The following EGFLAM variants were observed in gnomAD, a reference collection of about 807,000 sequenced individuals.
The protein encoded by EGFLAM is pikachurin.
In EGFLAM, 79 loss-of-function variants were observed where a neutral mutation model predicts 113.1. The observed-to-expected ratio is 0.70, with a 90% CI of 0.58 to 0.84. The LOEUF (loss-of-function observed/expected upper bound fraction) is 0.84. Among genes scored for constraint, EGFLAM ranks in the 40% least tolerant of loss-of-function variants. The probability of loss-of-function intolerance (pLI) is 0.00; values close to 1 mark genes in which losing one functional copy is unlikely to be tolerated. For synonymous variants in EGFLAM, 504 were observed against 487.6 expected, an observed-to-expected ratio of 1.03 and a Z score of -0.44; for missense variants, 1,265 against 1,291.6, an observed-to-expected ratio of 0.98 and a Z score of 0.32.
intron 12 of EGFLAM, among the ~76,000 whole-genome samples, chr5:38,419,576 A>T (rs1017827781): frequency 6.6e-6 from 1 of 152,164 alleles, no homozygotes; most frequent in African/African-American, 2.4e-5. Context: ...GTAGGATTCG[A>T]TCCTCATGAC....
At chr5:38,265,485 A>C (rs1291134184) in intron 1 of EGFLAM, among the ~76,000 whole-genome samples, 1 of 152,214 alleles carries the variant, frequency 6.6e-6, no homozygotes, top group Non-Finnish European at 1.5e-5. Context: ...TTGCATGTCA[A>C]GCTGCACATC....
At chr5:38,295,174 A>G (rs1403240916) in intron 1 of EGFLAM, among the ~76,000 whole-genome samples, 1 of 151,052 alleles carries the variant, frequency 6.6e-6, no homozygotes, top group Admixed American at 6.6e-5. Context: ...TAGTAATAAC[A>G]TGCTTGTAAT....
intron 6 of EGFLAM, chr5:38,403,176 A>G (rs1741170829): frequency 6.6e-6 from 1 of 152,326 alleles, no homozygotes; most frequent in Admixed American, 6.5e-5. Flanking sequence ...GGGCCGAGAG[A>G]GATAGATACA....
intron 1 of EGFLAM, among the ~76,000 whole-genome samples, chr5:38,280,503 C>T (rs780453898): frequency 7.2e-5 from 11 of 152,174 alleles, no homozygotes; most frequent in Non-Finnish European, 1.6e-4. Context: ...CCCACTTCCC[C>T]CCGATTCCTC....
At chr5:38,384,431 G>A (rs191853020) in intron 6 of EGFLAM, among the ~76,000 whole-genome samples, 24 of 152,266 alleles carry the variant, frequency 1.6e-4, no homozygotes, top group African/African-American at 5.5e-4. Context: ...TATTCTGTTG[G>A]TTCCTCTTGA....
Position 38,337,530 on chromosome 5 carries a change from G to T in EGFLAM, c.108G>T (p.Gly36=). 1.3e-6 allele frequency: 2 copies of T among 1,599,198 alleles called. No homozygotes were observed. The highest frequency in any genetic ancestry group is 1.7e-6 in the Non-Finnish European group (2 of 1,171,174). ...RAAIRKPGKV[G]PPLDIKLGAL... is the part of the protein sequence containing the mutation. Reference sequence around the variant, plus strand: ...TTTGTTTGGGGGCAGGCAAGGTAGGGCCTCCTCTTGACATCAAGCTGGGCG... The same window carrying T: ...TTTGTTTGGGGGCAGGCAAGGTAGGTCCTCCTCTTGACATCAAGCTGGGCG... Residue 36 remains glycine (G), a synonymous_variant, in exon 2 of 22, where the codon GGG becomes GGT. Coordinates refer to ENST00000322350, the MANE Select transcript of EGFLAM (RefSeq NM_152403.4).
At chr5:38,447,822 A>G (rs1742767050) in intron 17 of EGFLAM, among the ~76,000 whole-genome samples, 1 of 152,160 alleles carries the variant, frequency 6.6e-6, no homozygotes, top group South Asian at 2.1e-4. Context: ...CGGGAGTCCA[A>G]GCCTCATTCA....
chr5:38,320,721 A>G (rs1257778061), intron 1 of EGFLAM, among the ~76,000 whole-genome samples: 2 of 152,028 alleles, frequency 1.3e-5, no homozygotes, highest in Admixed American at 1.3e-4. Context: ...GCGGTCCCCA[A>G]CCTGGGACCC....
intron 1 of EGFLAM, among the ~76,000 whole-genome samples, chr5:38,262,073 T>G (rs1367389732): frequency 6.6e-6 from 1 of 152,236 alleles, no homozygotes; most frequent in Non-Finnish European, 1.5e-5. Flanking sequence ...GTCCTCATTT[T>G]GCAATGAGGT....
chr5:38,419,528 C>T (rs1167022370), intron 12 of EGFLAM, among the ~76,000 whole-genome samples: 1 of 152,188 alleles, frequency 6.6e-6, no homozygotes, highest in East Asian at 1.9e-4. Context: ...TTCTTGACCA[C>T]ATATCAATTC....
intron 14 of EGFLAM, among the ~76,000 whole-genome samples, chr5:38,428,550 AG>A (rs1742089331): frequency 6.6e-6 from 1 of 152,232 alleles, no homozygotes. Flanking sequence ...CTGTATGTCA[AG>A]TTGACAAAGG....
intron 1 of EGFLAM, among the ~76,000 whole-genome samples, chr5:38,259,205 T>C (rs1309857473): frequency 6.6e-6 from 1 of 152,184 alleles, no homozygotes; most frequent in East Asian, 1.9e-4. Flanking sequence ...CTCCTGCGTC[T>C]CCAAACATTT....
At chr5:38,339,246 C>T (rs1256031335) in intron 3 of EGFLAM, among the ~76,000 whole-genome samples, 1 of 151,954 alleles carries the variant, frequency 6.6e-6, no homozygotes, top group East Asian at 1.9e-4. Context: ...AAGCCCAGTG[C>T]CCCATCCTTC....
chr5:38,384,916 G>A (rs1212336313), intron 6 of EGFLAM, among the ~76,000 whole-genome samples: 3 of 152,082 alleles, frequency 2.0e-5, no homozygotes, highest in South Asian at 2.1e-4. Context: ...ACAACTGGGG[G>A]GAAAGTGCTA....
At chr5:38,302,186 G>A (rs1201451346) in intron 1 of EGFLAM, among the ~76,000 whole-genome samples, 5 of 149,954 alleles carry the variant, frequency 3.3e-5, no homozygotes, top group African/African-American at 7.4e-5. Flanking sequence ...GCAGTGAGCC[G>A]AGATAGTGCC....
At chr5:38,297,278 A>G (rs950058303) in intron 1 of EGFLAM, among the ~76,000 whole-genome samples, 2 of 152,224 alleles carry the variant, frequency 1.3e-5, no homozygotes, top group African/African-American at 4.8e-5. Flanking sequence ...CTTTTCTGTA[A>G]GTATAAACTT....
chr5:38,423,747 G>A (rs1741911542), intron 12 of EGFLAM, among the ~76,000 whole-genome samples: 1 of 152,198 alleles, frequency 6.6e-6, no homozygotes, highest in South Asian at 2.1e-4. Flanking sequence ...AATTCACAGA[G>A]GCTAGCCACC....
At chr5:38,303,653 A>AT (rs200886081) in intron 1 of EGFLAM, among the ~76,000 whole-genome samples, 159 of 152,272 alleles carry the variant, frequency 1.0e-3, no homozygotes, top group African/African-American at 3.3e-3. Context: ...TGTCAAAAAT[A>AT]TTTTTTTGGG....
rs70978880 is a variant in EGFLAM at position 38,333,916 on chromosome 5, G to GTTTTTTTTTTT, written c.98-3590_98-3580dup. ...TGTCTGTTTATTTTTATTGTTGAGGGTTTTTTTTTTTTTTTTTTTTTTTTG... is the reference window on the plus strand; with the variant it reads ...TGTCTGTTTATTTTTATTGTTGAGGGTTTTTTTTTTTTTTTTTTTTTTTTTTTTTTTTTTTG... On this transcript the variant is annotated intron_variant, in intron 1 of 21. Transcript: ENST00000322350. 2.0e-4 allele frequency among the ~76,000 whole-genome samples: 6 copies of GTTTTTTTTTTT among 29,308 alleles called. 1 individual carries two copies. The highest frequency in any genetic ancestry group is 8.0e-4 in the African/African-American group (5 of 6,254). The allele number at this position is 29,308 out of a possible 152,430, so 19.2% of individuals were successfully genotyped here. A position where few individuals can be genotyped will look rare whatever the true frequency, so the allele number is the denominator to read the frequency against.
Sources: allele counts gnomAD v4.1 joint callset (sites outside exome capture counted in the v4.1 genomes callset), GRCh38; gene constraint gnomAD v4.1.1; transcripts MANE v1.5; gene names NCBI Gene and HGNC (gene_info 2026-07-23, HGNC 2026-07-21).